The following NKAIN3 variants were observed in gnomAD, a reference collection of about 807,000 sequenced individuals.
The protein encoded by NKAIN3 is sodium/potassium-transporting ATPase subunit beta-1-interacting protein 3.
A neutral mutation model predicts 30.2 loss-of-function variants in NKAIN3; 25 were observed. The observed-to-expected ratio is 0.83, with a 90% CI of 0.60 to 1.16. The LOEUF is 1.16. Ranked by LOEUF, NKAIN3 falls within the 50% of genes most tolerant of loss-of-function variation. The pLI is 0.00. For missense variants in NKAIN3, 225 were observed against 254.1 expected (o/e 0.89, Z 0.78); for synonymous variants, 91 against 89.6 (o/e 1.02, Z -0.09).
chr8:62,804,879 C>T (rs1818213401), intron 4 of NKAIN3, among the ~76,000 whole-genome samples: 2 of 152,188 alleles, frequency 1.3e-5, no homozygotes, highest in African/African-American at 2.4e-5. Context: ...TTGCAGAGGA[C>T]ATGATTGTAT....
chr8:62,948,228 C>T (rs1280301968), intron 5 of NKAIN3, among the ~76,000 whole-genome samples: 2 of 151,268 alleles, frequency 1.3e-5, no homozygotes, highest in Admixed American at 6.6e-5. Context: ...GACAGAGTCT[C>T]TCACTCTGTC....
chr8:62,855,317 T>C, intron 4 of NKAIN3: 1 of 567,082 alleles, frequency 1.8e-6, no homozygotes, highest in Non-Finnish European at 3.3e-6. Context: ...GGCCTGGAAG[T>C]GCTCAGAGAG....
At chr8:62,317,357 T>C (rs1456073104) in intron 1 of NKAIN3, among the ~76,000 whole-genome samples, 1 of 152,122 alleles carries the variant, frequency 6.6e-6, no homozygotes, top group East Asian at 1.9e-4. Flanking sequence ...CCCATGCCTA[T>C]ATCCTGAATG....
At chr8:62,657,853 G>A (rs1023456962) in intron 3 of NKAIN3, among the ~76,000 whole-genome samples, 1 of 152,178 alleles carries the variant, frequency 6.6e-6, no homozygotes, top group Non-Finnish European at 1.5e-5. Context: ...AGAGCCTGAA[G>A]TTCCTCATTT....
intron 4 of NKAIN3, among the ~76,000 whole-genome samples, chr8:62,905,351 C>T (rs1304153317): frequency 6.6e-6 from 1 of 152,120 alleles, no homozygotes; most frequent in Non-Finnish European, 1.5e-5. Context: ...AGTGCATATG[C>T]ATTTGCACCA....
At chr8:62,805,344 G>T (rs558166910) in intron 4 of NKAIN3, among the ~76,000 whole-genome samples, 5 of 151,706 alleles carry the variant, frequency 3.3e-5, no homozygotes, top group African/African-American at 1.2e-4. Context: ...GCATTGCCAA[G>T]TCAATCCTAA....
Position 62,918,543 on chromosome 8 carries a change from T to C in NKAIN3, c.532+30T>C, listed in dbSNP as rs768860057. 12 of 1,514,070 alleles carry C rather than the reference T, an allele frequency of 7.9e-6. No individual in the cohort carries two copies. In the South Asian group the frequency reaches 1.4e-4, roughly 17 times the overall value. The allele number at this position is 1,514,070 out of a possible 1,614,324, so 93.8% of individuals were successfully genotyped here. A position where few individuals can be genotyped will look rare whatever the true frequency, so the allele number is the denominator to read the frequency against. ...GTACTGTTTTCTCTCTCCCTGTGGG[T>C]TCCTTTTGAATGAGATACAGCTTCC... On this transcript the variant is annotated intron_variant, in intron 5 of 6. Coordinates refer to ENST00000623646, the MANE Select transcript of NKAIN3 (RefSeq NM_001304533.3).
intron 1 of NKAIN3, among the ~76,000 whole-genome samples, chr8:62,294,849 G>C (rs1298182575): frequency 6.6e-6 from 1 of 152,114 alleles, no homozygotes. Flanking sequence ...CTGGCCTCCT[G>C]TCGAAATTGA....
At chr8:62,866,410 T>A (rs1820416068) in intron 4 of NKAIN3, among the ~76,000 whole-genome samples, 1 of 152,212 alleles carries the variant, frequency 6.6e-6, no homozygotes, top group Non-Finnish European at 1.5e-5. Flanking sequence ...AGCAGCTTTT[T>A]TATTGTCTTT....
At chr8:62,963,848 A>AT (rs941402573) in intron 6 of NKAIN3, among the ~76,000 whole-genome samples, 2 of 152,080 alleles carry the variant, frequency 1.3e-5, no homozygotes, top group African/African-American at 2.4e-5. Context: ...TTGGGTGGGT[A>AT]TTTTTTTAGT....
chr8:62,775,671 G>C (rs1214943232), intron 4 of NKAIN3, among the ~76,000 whole-genome samples: 4 of 151,942 alleles, frequency 2.6e-5, no homozygotes, highest in Non-Finnish European at 1.5e-5. Flanking sequence ...TGGTCATTCA[G>C]GAGCCTGTCA....
At chr8:62,653,938 G>T (rs1372287191) in intron 3 of NKAIN3, among the ~76,000 whole-genome samples, 2 of 152,050 alleles carry the variant, frequency 1.3e-5, no homozygotes, top group Admixed American at 6.6e-5. Context: ...TTCTAACCAT[G>T]GTTTTAATCC....
At chr8:62,655,504 A>C (rs1042952944) in intron 3 of NKAIN3, among the ~76,000 whole-genome samples, 27 of 152,146 alleles carry the variant, frequency 1.8e-4, no homozygotes, top group Admixed American at 7.2e-4. Context: ...AATAGTCACT[A>C]TAGGGATGAA....
chr8:62,545,419 CT>C (rs1238578612), intron 1 of NKAIN3, among the ~76,000 whole-genome samples: 4 of 152,106 alleles, frequency 2.6e-5, no homozygotes, highest in African/African-American at 9.7e-5. Context: ...AACCTCATCT[CT>C]ACTAAAAATA....
intron 6 of NKAIN3, among the ~76,000 whole-genome samples, chr8:62,960,436 G>A (rs1460283850): frequency 2.6e-5 from 4 of 151,816 alleles, no homozygotes. Flanking sequence ...AACTTTGCTG[G>A]GTATTTGCCA....
intron 4 of NKAIN3, among the ~76,000 whole-genome samples, chr8:62,868,879 ACTT>A (rs1820504468): frequency 6.6e-6 from 1 of 152,164 alleles, no homozygotes; most frequent in Non-Finnish European, 1.5e-5. Flanking sequence ...CAGGATGAAG[ACTT>A]CTGAATTAGC....
chr8:62,528,709 C>T (rs1025740702), intron 1 of NKAIN3, among the ~76,000 whole-genome samples: 3 of 152,060 alleles, frequency 2.0e-5, no homozygotes, highest in African/African-American at 7.2e-5. Flanking sequence ...TTCCCTGAAA[C>T]CTGACCTTTA....
At chr8:62,739,468 C>T (rs1815791699) in intron 3 of NKAIN3, among the ~76,000 whole-genome samples, 1 of 152,040 alleles carries the variant, frequency 6.6e-6, no homozygotes, top group African/African-American at 2.4e-5. Flanking sequence ...GATAGGGGCT[C>T]TTTTCAAACT....
At chr8:62,649,968 G>T (rs1360516753) in intron 3 of NKAIN3, among the ~76,000 whole-genome samples, 2 of 151,998 alleles carry the variant, frequency 1.3e-5, no homozygotes, top group African/African-American at 4.8e-5. Context: ...GTGCCAGTGG[G>T]CTTTTATTAA....
Sources: allele counts gnomAD v4.1 joint callset (sites outside exome capture counted in the v4.1 genomes callset), GRCh38; gene constraint gnomAD v4.1.1; transcripts MANE v1.5; gene names NCBI Gene and HGNC (gene_info 2026-07-23, HGNC 2026-07-21).